Variants in UBE2L3 observed in about 807,000 individuals in gnomAD.
UBE2L3 encodes ubiquitin conjugating enzyme E2 L3.
UBE2L3 carries 1 observed loss-of-function variant against 17.8 expected under a neutral mutation model. That is an observed-to-expected ratio of 0.06 (90% CI 0.02 to 0.27). The LOEUF (loss-of-function observed/expected upper bound fraction) is 0.27, where lower values mean the gene tolerates loss of function less well. Among genes scored for constraint, UBE2L3 ranks in the 10% least tolerant of loss-of-function variants. UBE2L3 has a pLI of 1.00. For missense variants in UBE2L3, 40 were observed against 192.6 expected (o/e 0.21, Z 4.69); for synonymous variants, 44 against 68.5 (o/e 0.64, Z 1.76).
At chr22:21,610,744 A>G (rs912910444) in intron 2 of UBE2L3, 113 bp from the exon 3 acceptor site, 126 of 1,224,566 alleles carry the variant, frequency 1.0e-4, no homozygotes, top group Non-Finnish European at 1.3e-4. Flanking sequence ...TTCAGTTGAT[A>G]CTTGAATCCC....
intron 1 of UBE2L3, among the ~76,000 whole-genome samples, chr22:21,586,327 G>A (rs1429399289): frequency 1.3e-5 from 2 of 152,000 alleles, no homozygotes; most frequent in East Asian, 1.9e-4. Context: ...GTGCACTGGC[G>A]TGATCTCAGC....
At chr22:21,567,635 T>C, upstream of UBE2L3, 1 of 1,543,160 alleles carries the variant, frequency 6.5e-7, no homozygotes, top group Non-Finnish European at 8.7e-7. Flanking sequence ...TGCTCCGCTC[T>C]GCTCCTGTGC....
At chr22:21,583,831 C>G (rs1363089718) in intron 1 of UBE2L3, among the ~76,000 whole-genome samples, 1 of 152,196 alleles carries the variant, frequency 6.6e-6, no homozygotes, top group Non-Finnish European at 1.5e-5. Context: ...TTCTTCTTTA[C>G]TCATATAGAA....
chr22:21,561,456 C>G (rs1395706770), intron 1 of UBE2L3, among the ~76,000 whole-genome samples: 1 of 152,272 alleles, frequency 6.6e-6, no homozygotes, highest in African/African-American at 2.4e-5. Flanking sequence ...GAGGTGTGCA[C>G]CTGTAGTTCT....
chr22:21,608,139 A>G (rs1929275942), intron 2 of UBE2L3, among the ~76,000 whole-genome samples: 1 of 152,232 alleles, frequency 6.6e-6, no homozygotes, highest in African/African-American at 2.4e-5. Context: ...ACACTGCCAA[A>G]TGCTGCTGAG....
At chr22:21,587,715 G>A (rs1032063972) in intron 1 of UBE2L3, among the ~76,000 whole-genome samples, 6 of 152,190 alleles carry the variant, frequency 3.9e-5, no homozygotes, top group African/African-American at 7.2e-5. Flanking sequence ...ACTTGAGTCC[G>A]TGGCCTTCTG....
intron 3 of UBE2L3, among the ~76,000 whole-genome samples, chr22:21,619,170 C>T (rs1225597278): frequency 2.6e-5 from 4 of 152,128 alleles, no homozygotes; most frequent in Non-Finnish European, 5.9e-5. Context: ...AGTCTCACAC[C>T]GAGGGTGGTG....
chr22:21,585,055 G>A (rs1568976338), intron 1 of UBE2L3, among the ~76,000 whole-genome samples: 1 of 152,228 alleles, frequency 6.6e-6, no homozygotes, highest in African/African-American at 2.4e-5. Context: ...ACAGATGTAT[G>A]TCATCTTCAC....
intron 1 of UBE2L3, among the ~76,000 whole-genome samples, chr22:21,556,485 A>G (rs1301316569): frequency 2.0e-5 from 3 of 152,254 alleles, no homozygotes; most frequent in Non-Finnish European, 4.4e-5. Flanking sequence ...GCTGGAGTGC[A>G]GTGGCGTGAT....
chr22:21,580,648 C>T (rs969381333), intron 1 of UBE2L3, among the ~76,000 whole-genome samples: 1 of 151,574 alleles, frequency 6.6e-6, no homozygotes, highest in Non-Finnish European at 1.5e-5. Context: ...GACAGGGTTT[C>T]ACCATGTTGT....
At chr22:21,566,036 G>A (rs975594178), upstream of UBE2L3, among the ~76,000 whole-genome samples, 5 of 149,434 alleles carry the variant, frequency 3.3e-5, no homozygotes, top group Non-Finnish European at 7.4e-5. Context: ...GCAGTGGCGC[G>A]GACTTGGCTC....
chr22:21,607,304 C>G (rs1929227816), intron 2 of UBE2L3, among the ~76,000 whole-genome samples: 1 of 151,068 alleles, frequency 6.6e-6, no homozygotes, highest in South Asian at 2.1e-4. Flanking sequence ...GTCAGGAGTT[C>G]AAGACCAGGC....
At chr22:21,585,399 AGGATCCTTAGAG>A (rs1180497400) in intron 1 of UBE2L3, among the ~76,000 whole-genome samples, 1 of 152,180 alleles carries the variant, frequency 6.6e-6, no homozygotes, top group Non-Finnish European at 1.5e-5. Flanking sequence ...TTTGCTATCC[AGGATCCTTAGAG>A]GTTTGGTCTT....
intron 2 of UBE2L3, among the ~76,000 whole-genome samples, chr22:21,606,373 G>T (rs985067369): frequency 2.0e-5 from 3 of 152,160 alleles, no homozygotes; most frequent in Admixed American, 6.5e-5. Context: ...AGGCTGGAGT[G>T]CAGTGGCACA....
chr22:21,617,144 TA>T (rs552706292), intron 3 of UBE2L3, among the ~76,000 whole-genome samples: 1,733 of 110,664 alleles, frequency 0.016, 14 homozygotes, highest in Middle Eastern at 0.041. Flanking sequence ...AACTCTGTCT[TA>T]AAAAAAAAAA....
chr22:21,562,928 G>A (rs1926496048), upstream of UBE2L3, among the ~76,000 whole-genome samples: 1 of 148,248 alleles, frequency 6.7e-6, no homozygotes, highest in Non-Finnish European at 1.5e-5. Flanking sequence ...TAGTCCAGGA[G>A]AAGGAAGAAG....
At chr22:21,620,148 G>A (rs1929976235) in intron 3 of UBE2L3, among the ~76,000 whole-genome samples, 1 of 152,020 alleles carries the variant, frequency 6.6e-6, no homozygotes, top group Admixed American at 6.6e-5. Flanking sequence ...TAGGCCAGGA[G>A]CAGTGGCTAA....
At chr22:21,573,664 T>G (rs1927105616) in intron 1 of UBE2L3, among the ~76,000 whole-genome samples, 2 of 152,166 alleles carry the variant, frequency 1.3e-5, no homozygotes, top group Non-Finnish European at 2.9e-5. Flanking sequence ...GGGTGGCCAG[T>G]GAGGTTGAGT....
chr22:21,619,304 TG>T (rs1163754254), intron 3 of UBE2L3, among the ~76,000 whole-genome samples: 1 of 152,176 alleles, frequency 6.6e-6, no homozygotes, highest in East Asian at 1.9e-4. Context: ...ACAGGTGGCT[TG>T]TACAGGGAGG....
Sources: allele counts gnomAD v4.1 joint callset (sites outside exome capture counted in the v4.1 genomes callset), GRCh38; gene constraint gnomAD v4.1.1; transcripts MANE v1.5; gene names NCBI Gene and HGNC (gene_info 2026-07-23, HGNC 2026-07-21).